Variants in IMPA2 observed in about 807,000 individuals in gnomAD.
The protein encoded by IMPA2 is inositol monophosphatase 2.
A neutral mutation model predicts 35.1 loss-of-function variants in IMPA2; 32 were observed. That is an observed-to-expected ratio of 0.91 (90% CI 0.69 to 1.23). The LOEUF (loss-of-function observed/expected upper bound fraction) is 1.23, where lower values mean the gene tolerates loss of function less well. Ranked by LOEUF, IMPA2 falls within the 50% of genes most tolerant of loss-of-function variation. The pLI, the probability that IMPA2 is intolerant of heterozygous loss-of-function variation, is 0.00. For missense variants in IMPA2, 334 were observed against 387.6 expected, an observed-to-expected ratio of 0.86 and a Z score of 1.16; for synonymous variants, 135 against 160.6, an observed-to-expected ratio of 0.84 and a Z score of 1.20.
intron 2 of IMPA2, among the ~76,000 whole-genome samples, chr18:12,005,046 T>C (rs899461707): frequency 6.6e-6 from 1 of 152,188 alleles, no homozygotes; most frequent in African/African-American, 2.4e-5. Flanking sequence ...ACCAGGGAAG[T>C]ATTTTTGGTG....
At chr18:12,016,133 A>G (rs1395141155) in intron 5 of IMPA2, among the ~76,000 whole-genome samples, 1 of 152,234 alleles carries the variant, frequency 6.6e-6, no homozygotes, top group Non-Finnish European at 1.5e-5. Flanking sequence ...CATAGCAGAT[A>G]GCTGCTGCTA....
At position 11,985,394 on chromosome 18, in the gene IMPA2, T is replaced by A. The variant is rs1238596630; in HGVS notation, c.96+3629T>A. On this transcript the variant is annotated intron_variant, in intron 1 of 7. Transcript: ENST00000269159. Reference sequence around the variant, plus strand: ...GAATGATAATGATTTTGTAATACTTTATATGGGGAGAATAGAAAGATAAAT... The same window carrying A: ...GAATGATAATGATTTTGTAATACTTAATATGGGGAGAATAGAAAGATAAAT... Among the ~76,000 whole-genome samples the A allele has an allele frequency of 2.6e-5, 4 of 152,194 alleles. No individual in the cohort carries two copies. In the South Asian group the frequency reaches 6.2e-4, roughly 24 times the overall value.
chr18:12,012,604 A>C (rs1199985252), intron 4 of IMPA2, among the ~76,000 whole-genome samples: 1 of 152,214 alleles, frequency 6.6e-6, no homozygotes, highest in Non-Finnish European at 1.5e-5. Context: ...CCAATATTCT[A>C]ATAATTCTTT....
chr18:11,981,903 G>A, intron 1 of IMPA2, 138 bp downstream of exon 1: 1 of 468,248 alleles, frequency 2.1e-6, no homozygotes, highest in Non-Finnish European at 3.4e-6. Flanking sequence ...GGCGCGGAGC[G>A]GTGAAAGGAG....
intron 5 of IMPA2, among the ~76,000 whole-genome samples, chr18:12,023,443 C>G (rs1022307266): frequency 6.6e-6 from 1 of 152,204 alleles, no homozygotes; most frequent in African/African-American, 2.4e-5. Flanking sequence ...ATTGCTGTTT[C>G]TTGCACACAA....
chr18:12,009,601 G>A (rs570941273), intron 2 of IMPA2, among the ~76,000 whole-genome samples: 3 of 152,182 alleles, frequency 2.0e-5, no homozygotes, highest in East Asian at 3.9e-4. Context: ...TGTTCTTCAC[G>A]CTTGCATTTC....
At chr18:11,990,174 A>G (rs1906774459) in intron 1 of IMPA2, among the ~76,000 whole-genome samples, 1 of 152,166 alleles carries the variant, frequency 6.6e-6, no homozygotes, top group Non-Finnish European at 1.5e-5. Flanking sequence ...CTAGCCTGCC[A>G]TGAGCGCTGC....
chr18:12,001,367 G>A (rs1907111339), intron 2 of IMPA2, among the ~76,000 whole-genome samples: 1 of 152,174 alleles, frequency 6.6e-6, no homozygotes, highest in Non-Finnish European at 1.5e-5. Flanking sequence ...TGGCCTAGAG[G>A]TTTCTGCGGT....
Position 11,981,701 on chromosome 18 carries a change from T to A in IMPA2, c.32T>A (p.Leu11Gln). The change falls in exon 1 of 8, where the codon CTG (leucine) becomes CAG (glutamine). Residue 11 changes from leucine (L) to glutamine (Q), a missense_variant. By Grantham distance (113) the Leu-to-Gln change is moderately radical (BLOSUM62 -2). Transcript: ENST00000269159. ...CCGAGCGGCGAGGACCAGGCGGCGC[T>A]GGCGGCCGGCCCCTGGGAGGAGTGC... is the stretch of plus-strand genomic sequence containing the variant. Reference protein sequence around the residue: MKPSGEDQAALAAGPWEECFQ... With the variant: MKPSGEDQAAQAAGPWEECFQ... The A allele has an allele frequency of 1.6e-6, 2 of 1,230,488 alleles. No individual in the cohort carries two copies. The highest frequency in any genetic ancestry group is 3.1e-5 in the African/African-American group (2 of 64,224). The allele number at this position is 1,230,488 out of a possible 1,614,324, so 76.2% of individuals were successfully genotyped here.
chr18:11,985,704 T>C (rs1337966706), intron 1 of IMPA2, among the ~76,000 whole-genome samples: 1 of 152,224 alleles, frequency 6.6e-6, no homozygotes, highest in Non-Finnish European at 1.5e-5. Context: ...TGTATGTTTT[T>C]GTCACCATGC....
At position 11,981,588 on chromosome 18, in the gene IMPA2, C is replaced by G. The variant is rs1395904256; in HGVS notation, c.-82C>G. 4 of 947,038 alleles carry G rather than the reference C, an allele frequency of 4.2e-6. No homozygotes were observed. Among genetic ancestry groups the G allele is most frequent in the Admixed American group, 4.3e-5 (1 of 23,074 alleles). The allele number at this position is 947,038 out of a possible 1,614,324, so 58.7% of individuals were successfully genotyped here. On this transcript the variant is annotated 5_prime_UTR_variant, in exon 1 of 8. Transcript: ENST00000269159. The stretch of plus-strand genomic sequence containing the variant: ...GGAGCAGGCACAGGGAGTGTGGAGC[C>G]TGGCGGCGGGACGGCGGGATCCGGT...
intron 1 of IMPA2, among the ~76,000 whole-genome samples, chr18:11,996,693 G>A (rs1001945368): frequency 3.3e-5 from 5 of 152,114 alleles, no homozygotes; most frequent in Admixed American, 1.3e-4. Flanking sequence ...TACCAGAAAT[G>A]CAGCTCTCAG....
At chr18:12,022,653 G>A (rs887167688) in intron 5 of IMPA2, among the ~76,000 whole-genome samples, 3 of 150,408 alleles carry the variant, frequency 2.0e-5, no homozygotes, top group African/African-American at 4.9e-5. Flanking sequence ...TAACTAGTCA[G>A]AAATAATCAT....
chr18:11,992,209 A>T (rs187216658), intron 1 of IMPA2, among the ~76,000 whole-genome samples: 1 of 152,388 alleles, frequency 6.6e-6, no homozygotes, highest in Non-Finnish European at 1.5e-5. Context: ...AAAATTAACC[A>T]TCACAACACA....
chr18:11,989,397 G>A (rs1906750157), intron 1 of IMPA2, among the ~76,000 whole-genome samples: 1 of 152,312 alleles, frequency 6.6e-6, no homozygotes, highest in African/African-American at 2.4e-5. Context: ...GCTTAGCTCT[G>A]CAGGGTGGGG....
chr18:11,985,147 CAAAAAAAA>C lies in IMPA2; in HGVS notation c.96+3397_96+3404del, dbSNP rs60194371. Among the ~76,000 whole-genome samples, 11 of 80,526 alleles carry C rather than the reference CAAAAAAAA, an allele frequency of 1.4e-4. 1 individual carries two copies. In the South Asian group the frequency reaches 2.2e-3, roughly 16 times the overall value. 52.8% of individuals were successfully genotyped at this position (80,526 alleles called of 152,430 possible). ...GGGTGATAAGAGCGAAACTCTGTCT[CAAAAAAAA>C]AAAAAAAAAAAAAAGAGAAAATACA... On this transcript the variant is annotated intron_variant, in intron 1 of 7. Coordinates refer to ENST00000269159, the MANE Select transcript of IMPA2 (RefSeq NM_014214.3).
Position 12,029,041 on chromosome 18 carries a change from G to C in IMPA2, c.751+48G>C, listed in dbSNP as rs766734393. 2.6e-6 allele frequency: 4 copies of C among 1,565,178 alleles called. No individual in the cohort carries two copies. In the South Asian group the frequency reaches 4.5e-5, roughly 18 times the overall value. ...TGCAGCGGCAGAAACTAGACTGAGA[G>C]ACACTGTGGGTGGGGCACTTCCTGA... On this transcript the variant is annotated intron_variant, in intron 7 of 7. Transcript: ENST00000269159.
intron 2 of IMPA2, among the ~76,000 whole-genome samples, chr18:12,004,357 A>G (rs192459693): frequency 6.6e-6 from 1 of 152,356 alleles, no homozygotes; most frequent in East Asian, 1.9e-4. Flanking sequence ...ACTATTTTTT[A>G]AAAAAGAAAA....
chr18:12,007,287 C>CACTT (rs1165122106), intron 2 of IMPA2, among the ~76,000 whole-genome samples: 14 of 152,176 alleles, frequency 9.2e-5, no homozygotes, highest in African/African-American at 3.4e-4. Flanking sequence ...GACTGCCAAG[C>CACTT]ACTTGAAAGG....
Sources: gnomAD v4.1 joint callset for allele counts (sites outside exome capture counted in the v4.1 genomes callset) on GRCh38, gnomAD v4.1.1 for gene constraint, MANE v1.5 for transcripts, NCBI Gene and HGNC (gene_info 2026-07-23, HGNC 2026-07-21) for gene names.